Variants in ZC3H3 observed in about 807,000 individuals in gnomAD.
ZC3H3 encodes zinc finger CCCH-type containing 3, also known as zinc finger CCCH domain-containing protein 3.
Under a neutral mutation model 77.3 loss-of-function variants are expected in ZC3H3, and 36 were observed. The ratio of observed to expected loss-of-function variants is 0.47; its 90% CI spans 0.36 to 0.61. The LOEUF (loss-of-function observed/expected upper bound fraction) is 0.61, where lower values mean the gene tolerates loss of function less well. Among genes scored for constraint, ZC3H3 ranks in the 20% least tolerant of loss-of-function variants. ZC3H3 has a pLI of 0.00. For missense variants in ZC3H3, 1,331 were observed against 1,312.2 expected, an observed-to-expected ratio of 1.01 and a Z score of -0.22; for synonymous variants, 626 against 555.2, an observed-to-expected ratio of 1.13 and a Z score of -1.79.
At chr8:143,485,525 C>T (rs1306053221) in intron 4 of ZC3H3, among the ~76,000 whole-genome samples, 1 of 152,184 alleles carries the variant, frequency 6.6e-6, no homozygotes, top group African/African-American at 2.4e-5. Context: ...GCCCCTACCT[C>T]AGACCACAGG....
At chr8:143,451,493 A>G (rs975149483) in intron 9 of ZC3H3, among the ~76,000 whole-genome samples, 1 of 152,168 alleles carries the variant, frequency 6.6e-6, no homozygotes, top group African/African-American at 2.4e-5. Context: ...CTTCTGGGGG[A>G]AAATAAGCCA....
At chr8:143,463,635 C>T (rs1197520464) in intron 9 of ZC3H3, among the ~76,000 whole-genome samples, 4 of 152,202 alleles carry the variant, frequency 2.6e-5, no homozygotes, top group South Asian at 2.1e-4. Flanking sequence ...CCCAGCAAGA[C>T]GTATCAGCCG....
intron 4 of ZC3H3, among the ~76,000 whole-genome samples, chr8:143,491,466 G>A (rs2129967696): frequency 6.6e-6 from 1 of 152,358 alleles, no homozygotes; most frequent in South Asian, 2.1e-4. Context: ...CCGGGCCTGG[G>A]CGAGGCTCAC....
rs376905833 is a variant in ZC3H3, at chr8:143,538,190, G to A, written c.1177C>T (p.Arg393Cys). The change falls in exon 2 of 12, where the codon CGT (arginine) becomes TGT (cysteine). Residue 393 changes from arginine to cysteine, a missense_variant. Around this residue, in one of 3 missense-constraint regions of ZC3H3, gnomAD observed 978 missense variants for 915.5 expected, o/e 1.07. Coordinates refer to ENST00000262577, the MANE Select transcript of ZC3H3 (RefSeq NM_015117.3). The part of the protein sequence containing the change: ...SPSASSSSSF[R>C]WQSEASSKDH... ...TTGCTGCTGGCCTCCGACTGCCAAC[G>A]GAAGGAGGAAGAGGAGGAGGCAGAG... The A allele has an allele frequency of 1.6e-4, 266 of 1,612,884 alleles. 1 individual carries two copies. Among genetic ancestry groups the A allele is most frequent in the Non-Finnish European group, 2.0e-4 (239 of 1,180,026 alleles).
intron 3 of ZC3H3, among the ~76,000 whole-genome samples, chr8:143,524,084 C>T (rs1822336378): frequency 6.6e-6 from 1 of 152,250 alleles, no homozygotes; most frequent in African/African-American, 2.4e-5. Context: ...GCCTCCCCAG[C>T]CCCTAATGGG....
In ZC3H3 at chr8:143,449,753, AAAAC is replaced by A. The variant is rs1480986914; in HGVS notation, c.2308-8637_2308-8634del. Among the ~76,000 whole-genome samples, 161 of 152,144 alleles carry A rather than the reference AAAAC, an allele frequency of 1.1e-3. 1 individual carries two copies. The highest frequency in any genetic ancestry group is 3.8e-3 in the African/African-American group (159 of 41,498). ...GTCAAAAAAACAAACAAAACAAAAC[AAAAC>A]AAAACCCAGGAAATTTCCACCAGAT... On this transcript the variant is annotated intron_variant, in intron 9 of 11. Coordinates refer to ENST00000262577, the MANE Select transcript of ZC3H3 (RefSeq NM_015117.3).
At chr8:143,478,656 T>G (rs148156112) in intron 4 of ZC3H3, among the ~76,000 whole-genome samples, 1 of 152,214 alleles carries the variant, frequency 6.6e-6, no homozygotes, top group Non-Finnish European at 1.5e-5. Context: ...ATTACAGGCA[T>G]GTGCCAACAC....
chr8:143,493,965 C>A lies in ZC3H3; in HGVS notation c.1715+13781G>T, dbSNP rs563034448. 3.3e-5 allele frequency among the ~76,000 whole-genome samples: 5 copies of A among 152,340 alleles called. No homozygotes were observed. In the South Asian group the frequency reaches 1.0e-3, roughly 32 times the overall value. Reference sequence around the variant, plus strand: ...AAAATTATAAAAATGAGCACAGGCACAGGGAGGCCATCACATTAACTTTTA... The same window carrying A: ...AAAATTATAAAAATGAGCACAGGCAAAGGGAGGCCATCACATTAACTTTTA... On this transcript the variant is annotated intron_variant, in intron 4 of 11. Coordinates refer to ENST00000262577, the MANE Select transcript of ZC3H3 (RefSeq NM_015117.3). The surrounding 1 kb of genome is among the most constrained non-coding windows in gnomAD (Gnocchi z 4.8).
chr8:143,529,033 G>A (rs573280028), intron 3 of ZC3H3, among the ~76,000 whole-genome samples: 27 of 152,366 alleles, frequency 1.8e-4, no homozygotes, highest in Middle Eastern at 3.4e-3. Flanking sequence ...TCTTAGAGGA[G>A]CTGGCCTGGC....
chr8:143,526,906 G>A (rs1822428863), intron 3 of ZC3H3, among the ~76,000 whole-genome samples: 1 of 152,192 alleles, frequency 6.6e-6, no homozygotes, highest in African/African-American at 2.4e-5. Flanking sequence ...GAGAGCTGGT[G>A]AAAAGACACC....
At chr8:143,476,552 G>A (rs1009772160) in intron 4 of ZC3H3, among the ~76,000 whole-genome samples, 6 of 152,034 alleles carry the variant, frequency 3.9e-5, no homozygotes, top group South Asian at 2.1e-4. Flanking sequence ...GCGGACCCTC[G>A]GGCAAGCAGC....
At position 143,440,997 on chromosome 8, in the gene ZC3H3, G is replaced by A. The variant is rs542685880; in HGVS notation, c.2431C>T (p.Pro811Ser). ...GTTGCGTCGCTGGGCCCTGGGGCGG[G>A]GGACGTGGCTGCCCGCCGACTGTGG... The part of the protein sequence containing the change: ...KRHSRRAATS[P>S]APGPSDATAR... Residue 811 changes from proline (P) to serine (S), a missense_variant, in exon 10 of 12, where the codon CCC becomes TCC. Physicochemically the swap from Pro to Ser is moderately conservative, Grantham distance 74. This residue lies in a region of ZC3H3 where 249 missense variants were observed against 236.9 expected (regional missense o/e 1.05). Transcript: ENST00000262577. 6.8e-7 allele frequency: 1 copy of A among 1,472,580 alleles called. No individual in the cohort carries two copies. The highest frequency in any genetic ancestry group is 8.9e-7 in the Non-Finnish European group (1 of 1,119,504). The allele number at this position is 1,472,580 out of a possible 1,614,324, so 91.2% of individuals were successfully genotyped here.
At chr8:143,467,413 A>G (rs1277920456) in intron 8 of ZC3H3, among the ~76,000 whole-genome samples, 2 of 152,228 alleles carry the variant, frequency 1.3e-5, no homozygotes, top group African/African-American at 2.4e-5. Flanking sequence ...CTGGGAGCTA[A>G]TGAACCCGAA....
At chr8:143,529,082 G>A (rs1156359407) in intron 3 of ZC3H3, among the ~76,000 whole-genome samples, 2 of 152,254 alleles carry the variant, frequency 1.3e-5, no homozygotes, top group African/African-American at 4.8e-5. Flanking sequence ...TCCCGAATGA[G>A]GGGAGCAAAC....
At chr8:143,478,442 G>A (rs1019908906) in intron 4 of ZC3H3, among the ~76,000 whole-genome samples, 52 of 152,228 alleles carry the variant, frequency 3.4e-4, no homozygotes, top group African/African-American at 9.6e-4. Context: ...CACCAGGGCC[G>A]CCCCTCAGCT....
chr8:143,497,442 A>AG (rs1187200230), intron 4 of ZC3H3, among the ~76,000 whole-genome samples: 1 of 152,050 alleles, frequency 6.6e-6, no homozygotes, highest in Non-Finnish European at 1.5e-5. Flanking sequence ...CCATAAAGCC[A>AG]GGGGGGCAGC....
intron 4 of ZC3H3, among the ~76,000 whole-genome samples, chr8:143,501,765 T>A (rs1821533109): frequency 6.7e-6 from 1 of 148,406 alleles, no homozygotes. Context: ...GTCCTCTGAC[T>A]ACAGGTGTGA....
intron 3 of ZC3H3, among the ~76,000 whole-genome samples, chr8:143,529,465 G>A (rs1175598440): frequency 6.6e-6 from 1 of 152,164 alleles, no homozygotes; most frequent in East Asian, 1.9e-4. Flanking sequence ...GTGTGCACAG[G>A]GAGGACCCAA....
chr8:143,452,208 G>A (rs1386695927), intron 9 of ZC3H3, among the ~76,000 whole-genome samples: 4 of 152,202 alleles, frequency 2.6e-5, no homozygotes, highest in African/African-American at 9.6e-5. Flanking sequence ...TTGCCGGGGT[G>A]GTGAAAAGCC....
Sources: gnomAD v4.1 joint callset for allele counts (sites outside exome capture counted in the v4.1 genomes callset) on GRCh38, gnomAD v4.1.1 for gene constraint, gnomAD v4.1.1 regional missense constraint, Gnocchi (gnomAD v3.1) non-coding constraint, MANE v1.5 for transcripts, NCBI Gene and HGNC (gene_info 2026-07-23, HGNC 2026-07-21) for gene names.